Variants in SNX29 observed in about 807,000 individuals in gnomAD.
SNX29 encodes the protein sorting nexin 29, also known as sorting nexin-29.
In SNX29, 78 loss-of-function variants were observed where a neutral mutation model predicts 102.1. The observed-to-expected ratio is 0.76, with a 90% CI of 0.64 to 0.92. The LOEUF is 0.92. SNX29 is among the 40% of genes least tolerant of loss of function. SNX29 has a pLI of 0.00. For synonymous variants in SNX29, 580 were observed against 414.5 expected, an observed-to-expected ratio of 1.40 and a Z score of -4.85; for missense variants, 1,280 against 1,061.7, an observed-to-expected ratio of 1.21 and a Z score of -2.86.
chr16:12,202,930 G>C (rs1193675765), intron 14 of SNX29, among the ~76,000 whole-genome samples: 3 of 152,366 alleles, frequency 2.0e-5, no homozygotes, highest in South Asian at 4.1e-4. Flanking sequence ...GCCACTGTCA[G>C]GTGGACTGGT....
rs118134388 is a variant in SNX29 at position 12,570,180 on chromosome 16, G to A, written c.*1551G>A. The A allele has an allele frequency of 1.2e-4, 128 of 1,065,162 alleles. 1 individual carries two copies. The East Asian group carries it at 3.1e-3, about 26-fold the overall frequency. 66.0% of individuals were successfully genotyped at this position (1,065,162 alleles called of 1,614,324 possible). ...AGCGCCCCCCCACCCCAGAGAAACCGAGTCAGCCTACATGACTTCCAAGGG... is the reference window on the plus strand; with the variant it reads ...AGCGCCCCCCCACCCCAGAGAAACCAAGTCAGCCTACATGACTTCCAAGGG... On this transcript the variant is annotated 3_prime_UTR_variant, in exon 21 of 21. Coordinates refer to ENST00000566228, the MANE Select transcript of SNX29 (RefSeq NM_032167.5).
Position 12,572,706 on chromosome 16 carries a change from C to A in SNX29, c.*4077C>A. On this transcript the variant is annotated 3_prime_UTR_variant, in exon 21 of 21. Transcript: ENST00000566228. Reference sequence around the variant, plus strand: ...AAGCCCTGCACTCCAGCAGCATCTTCCAGCCTTGGCACAGAACTGATGGCA... The same window carrying A: ...AAGCCCTGCACTCCAGCAGCATCTTACAGCCTTGGCACAGAACTGATGGCA... The A allele has an allele frequency of 1.9e-6, 2 of 1,063,934 alleles. No homozygotes were observed. Among genetic ancestry groups the A allele is most frequent in the Non-Finnish European group, 1.1e-6 (1 of 878,412 alleles). The allele number at this position is 1,063,934 out of a possible 1,614,324, so 65.9% of individuals were successfully genotyped here. A position where few individuals can be genotyped will look rare whatever the true frequency, so the allele number is the denominator to read the frequency against.
At chr16:12,350,877 C>T (rs1567466745) in intron 15 of SNX29, among the ~76,000 whole-genome samples, 1 of 152,160 alleles carries the variant, frequency 6.6e-6, no homozygotes, top group Non-Finnish European at 1.5e-5. Context: ...TTCAGAAGCC[C>T]TCCCAGTGAC....
chr16:12,355,236 A>G (rs1463707101), intron 15 of SNX29, among the ~76,000 whole-genome samples: 3 of 152,182 alleles, frequency 2.0e-5, no homozygotes, highest in Non-Finnish European at 2.9e-5. Flanking sequence ...ACAACAACAA[A>G]AAAAGAGGGC....
intron 20 of SNX29, among the ~76,000 whole-genome samples, chr16:12,545,204 G>C (rs537399071): frequency 6.7e-4 from 102 of 152,332 alleles, no homozygotes; most frequent in African/African-American, 2.3e-3. Flanking sequence ...AAAAAAGGAA[G>C]GGGTGGGGCA....
rs967978482 is a variant in SNX29 at position 12,331,968 on chromosome 16, G to A, written c.1783-24195G>A. Among the ~76,000 whole-genome samples the A allele has an allele frequency of 1.1e-4, 16 of 152,254 alleles. 1 individual carries two copies. In the East Asian group the frequency reaches 2.3e-3, roughly 22 times the overall value. On this transcript the variant is annotated intron_variant, in intron 15 of 20. Coordinates refer to ENST00000566228, the MANE Select transcript of SNX29 (RefSeq NM_032167.5). ...CCAGCTACTTGGGAGGCTGACACAG[G>A]AGGATCGCTTGAACCTAGTAGGTGG... is the stretch of plus-strand genomic sequence containing the variant.
intron 20 of SNX29, among the ~76,000 whole-genome samples, chr16:12,542,243 T>A (rs2077374429): frequency 6.7e-6 from 1 of 148,766 alleles, no homozygotes; most frequent in Admixed American, 6.7e-5. Flanking sequence ...CTAGTGTTAT[T>A]CCCTTTATAG....
chr16:12,039,871 C>T (rs2057578221), intron 4 of SNX29, among the ~76,000 whole-genome samples: 1 of 152,084 alleles, frequency 6.6e-6, no homozygotes, highest in Non-Finnish European at 1.5e-5. Flanking sequence ...CCTTGTCTTT[C>T]ACATGGCGAT....
intron 20 of SNX29, among the ~76,000 whole-genome samples, chr16:12,565,992 G>A (rs757292169): frequency 1.3e-5 from 2 of 152,100 alleles, no homozygotes; most frequent in Non-Finnish European, 1.5e-5. Flanking sequence ...GACCACTTCT[G>A]CACCCCTTCA....
At chr16:12,001,738 C>T (rs2056295253) in intron 2 of SNX29, among the ~76,000 whole-genome samples, 1 of 152,126 alleles carries the variant, frequency 6.6e-6, no homozygotes, top group South Asian at 2.1e-4. Context: ...GACAAGTAGG[C>T]CAGGCACGGT....
intron 17 of SNX29, among the ~76,000 whole-genome samples, chr16:12,402,474 T>C (rs973758872): frequency 4.6e-5 from 7 of 152,244 alleles, no homozygotes; most frequent in Non-Finnish European, 8.8e-5. Context: ...GGCCGGGACC[T>C]TACAGCCCTT....
chr16:12,230,595 TG>T (rs1489476744), intron 14 of SNX29, among the ~76,000 whole-genome samples: 1 of 152,222 alleles, frequency 6.6e-6, no homozygotes, highest in Non-Finnish European at 1.5e-5. Flanking sequence ...CAAACAAAGC[TG>T]CAAGTGGACA....
chr16:12,065,527 A>C lies in SNX29; in HGVS notation c.1244-3530A>C, dbSNP rs544046592. Among the ~76,000 whole-genome samples the C allele has an allele frequency of 2.0e-5, 3 of 152,298 alleles. 1 individual carries two copies. The highest frequency in any genetic ancestry group is 4.8e-5 in the African/African-American group (2 of 41,554). ...CCTCAAACCCTTTGTTTCCCCATCAAGTCTAAAGTTCTATTTCTCCTTGTC... is the reference window on the plus strand; with the variant it reads ...CCTCAAACCCTTTGTTTCCCCATCACGTCTAAAGTTCTATTTCTCCTTGTC... On this transcript the variant is annotated intron_variant, in intron 9 of 20. Coordinates refer to ENST00000566228, the MANE Select transcript of SNX29 (RefSeq NM_032167.5).
chr16:12,032,085 C>T (rs2057360296), intron 4 of SNX29, among the ~76,000 whole-genome samples: 1 of 152,100 alleles, frequency 6.6e-6, no homozygotes, highest in Non-Finnish European at 1.5e-5. Context: ...ACTTTAGGTT[C>T]CTTGTACCAA....
At chr16:12,555,874 C>G (rs989191615) in intron 20 of SNX29, among the ~76,000 whole-genome samples, 2 of 151,932 alleles carry the variant, frequency 1.3e-5, no homozygotes, top group Non-Finnish European at 2.9e-5. Flanking sequence ...CTCCAGAGGC[C>G]GTGCTTTCTG....
rs188937221 is a variant in SNX29 at position 12,361,473 on chromosome 16, A to G, written c.1899+5194A>G. ...CTGATATTAATAGCTAATATTTATT[A>G]ATTGATATCAGTCAAAAATTTGGCT... On this transcript the variant is annotated intron_variant, in intron 16 of 20. Coordinates refer to ENST00000566228, the MANE Select transcript of SNX29 (RefSeq NM_032167.5). Among the ~76,000 whole-genome samples the G allele has an allele frequency of 1.1e-4, 17 of 152,352 alleles. No homozygotes were observed. The East Asian group carries it at 2.9e-3, about 26-fold the overall frequency.
At chr16:12,532,548 C>G (rs2141182354) in intron 20 of SNX29, among the ~76,000 whole-genome samples, 1 of 152,286 alleles carries the variant, frequency 6.6e-6, no homozygotes, top group Middle Eastern at 3.4e-3. Flanking sequence ...TTGGAGAATT[C>G]CTAAGAACTT....
chr16:12,195,644 A>G (rs2076753884), intron 13 of SNX29, among the ~76,000 whole-genome samples: 1 of 152,196 alleles, frequency 6.6e-6, no homozygotes, highest in Non-Finnish European at 1.5e-5. Context: ...TCGTTTTCTC[A>G]CGCAATTTTT....
At chr16:12,265,281 A>G (rs1049284383) in intron 14 of SNX29, among the ~76,000 whole-genome samples, 3 of 152,210 alleles carry the variant, frequency 2.0e-5, no homozygotes, top group African/African-American at 7.2e-5. Context: ...GGGGAGAAAC[A>G]TGAGTCTAAA....
Sources: gnomAD v4.1 joint callset for allele counts (sites outside exome capture counted in the v4.1 genomes callset) on GRCh38, gnomAD v4.1.1 for gene constraint, MANE v1.5 for transcripts, NCBI Gene and HGNC (gene_info 2026-07-23, HGNC 2026-07-21) for gene names.